SSX2IP: variants seen among roughly 807,000 people sequenced by gnomAD.
SSX2IP encodes SSX family member 2 interacting protein.
In SSX2IP, 55 loss-of-function variants were observed where a neutral mutation model predicts 84.9. That is an observed-to-expected ratio of 0.65 (90% CI 0.52 to 0.81). The LOEUF (loss-of-function observed/expected upper bound fraction) is 0.81. Ranked by LOEUF, SSX2IP falls within the 30% of genes least tolerant of loss-of-function variation. The pLI, the probability that SSX2IP is intolerant of heterozygous loss-of-function variation, is 0.00. For synonymous variants in SSX2IP, 239 were observed against 234.7 expected (o/e 1.02, Z -0.17); for missense variants, 664 against 705.2 (o/e 0.94, Z 0.66).
At chr1:84,655,027 C>G (rs917347536) in intron 11 of SSX2IP, among the ~76,000 whole-genome samples, 1 of 151,748 alleles carries the variant, frequency 6.6e-6, no homozygotes, top group African/African-American at 2.4e-5. Flanking sequence ...AAAAGGCAAG[C>G]AGACGAACAA....
Position 84,656,378 on chromosome 1 carries a change from T to C in SSX2IP, c.1185A>G (p.Glu395=). 1 of 1,612,822 alleles carries C rather than the reference T, an allele frequency of 6.2e-7. No homozygotes were observed. Residue 395 remains glutamate (E), a synonymous_variant, in exon 10 of 14, where the codon GAA becomes GAG. Coordinates refer to ENST00000342203, the MANE Select transcript of SSX2IP (RefSeq NM_001166293.2). ...AAAGCTGTTGCTGAGTTTTAATCAT[T>C]TCTTTACACTGCTGAATTTCTAACT... ...KLELEIQQCK[E]MIKTQQQLLQ...
chr1:84,674,694 C>A (rs920999438), intron 1 of SSX2IP, among the ~76,000 whole-genome samples: 10 of 152,120 alleles, frequency 6.6e-5, no homozygotes, highest in African/African-American at 2.4e-4. Context: ...GTGAATTGTT[C>A]CCTGCCCTAT....
At chr1:84,679,191 T>C (rs1305122076) in intron 1 of SSX2IP, among the ~76,000 whole-genome samples, 1 of 152,312 alleles carries the variant, frequency 6.6e-6, no homozygotes, top group African/African-American at 2.4e-5. Context: ...ACTAGATATA[T>C]TACAATTATT....
rs142176125 is a variant in SSX2IP, at chr1:84,645,780, G to A, written c.*1653C>T. The A allele has an allele frequency of 6.6e-6, 1 of 152,280 alleles. No individual in the cohort carries two copies. The highest frequency in any genetic ancestry group is 2.4e-5 in the African/African-American group (1 of 41,554). 9.4% of individuals were successfully genotyped at this position (152,280 alleles called of 1,614,324 possible). On this transcript the variant is annotated 3_prime_UTR_variant, in exon 14 of 14. Coordinates refer to ENST00000342203, the MANE Select transcript of SSX2IP (RefSeq NM_001166293.2). ...ATTTCTTCCTTTAGCATATGGTAGT[G>A]TCTTCGATATTTTGTACAATGTGTA...
At chr1:84,688,374 G>C (rs1263185208) in intron 1 of SSX2IP, among the ~76,000 whole-genome samples, 3 of 152,120 alleles carry the variant, frequency 2.0e-5, no homozygotes, top group African/African-American at 7.2e-5. Flanking sequence ...AAACCAGTAA[G>C]GCATATTCAC....
At chr1:84,681,941 C>T (rs139627986) in intron 1 of SSX2IP, among the ~76,000 whole-genome samples, 1 of 152,176 alleles carries the variant, frequency 6.6e-6, no homozygotes, top group African/African-American at 2.4e-5. Context: ...ACTGGCAGAC[C>T]TGGCAAAAGT....
chr1:84,658,168 A>T (rs1651403103), intron 9 of SSX2IP, 150 bp downstream of exon 9: 8 of 761,644 alleles, frequency 1.1e-5, no homozygotes, highest in Non-Finnish European at 1.6e-5. Context: ...AAAATGAAAA[A>T]ATAAATGTAT....
intron 4 of SSX2IP, among the ~76,000 whole-genome samples, chr1:84,668,088 T>C (rs1377738820): frequency 6.6e-6 from 1 of 152,160 alleles, no homozygotes; most frequent in Non-Finnish European, 1.5e-5. Context: ...CTGTCCATAG[T>C]TGACCCAAAA....
chr1:84,675,861 G>A (rs1307873661), intron 1 of SSX2IP, among the ~76,000 whole-genome samples: 4 of 152,132 alleles, frequency 2.6e-5, no homozygotes, highest in African/African-American at 7.2e-5. Flanking sequence ...CCTGGGTCCT[G>A]GAAGCCCCTG....
chr1:84,682,504 C>CTTTT (rs375144986), intron 1 of SSX2IP, among the ~76,000 whole-genome samples: 1 of 140,284 alleles, frequency 7.1e-6, no homozygotes. Flanking sequence ...TTTGTCTTCA[C>CTTTT]TTTTTTTTTT....
chr1:84,649,059 T>C (rs1649848928), intron 13 of SSX2IP, among the ~76,000 whole-genome samples: 2 of 152,202 alleles, frequency 1.3e-5, no homozygotes, highest in African/African-American at 4.8e-5. Context: ...ACTAGTGTTT[T>C]TTCTATTCCC....
chr1:84,662,068 G>C (rs6660887), intron 8 of SSX2IP, 130 bp downstream of exon 8: 2 of 609,850 alleles, frequency 3.3e-6, no homozygotes, highest in African/African-American at 3.8e-5. Flanking sequence ...CACAGTAATT[G>C]AAAGTAGCAT....
rs774238003 is a variant in SSX2IP, at chr1:84,656,022, C to T, written c.1216-17G>A. The T allele has an allele frequency of 1.2e-6, 2 of 1,603,506 alleles. No individual in the cohort carries two copies. The highest frequency in any genetic ancestry group is 1.3e-5 in the African/African-American group (1 of 74,488). On this transcript the variant is annotated splice_polypyrimidine_tract_variant and intron_variant, in intron 10 of 13. Transcript: ENST00000342203. Reference sequence around the variant, plus strand: ...GAGCTGCTGCTATTAAAATTTAAAACATAGTAAGTTCCTGAGGGACCTTGC... The same window carrying T: ...GAGCTGCTGCTATTAAAATTTAAAATATAGTAAGTTCCTGAGGGACCTTGC...
chr1:84,687,729 A>C (rs533812452), intron 1 of SSX2IP, among the ~76,000 whole-genome samples: 3 of 152,326 alleles, frequency 2.0e-5, no homozygotes, highest in Admixed American at 2.0e-4. Context: ...CTAAAGTAAA[A>C]ATAAAATATA....
intron 12 of SSX2IP, among the ~76,000 whole-genome samples, chr1:84,651,304 ATC>A (rs1650214436): frequency 6.6e-6 from 1 of 151,916 alleles, no homozygotes. Flanking sequence ...GCAAGACTAC[ATC>A]TTGAAAAAAG....
chr1:84,672,114 C>T (rs1653660784), intron 1 of SSX2IP, among the ~76,000 whole-genome samples: 1 of 152,106 alleles, frequency 6.6e-6, no homozygotes, highest in African/African-American at 2.4e-5. Context: ...TATGTTTTCA[C>T]TTTTTTATAG....
chr1:84,672,597 A>G (rs1653742412), intron 1 of SSX2IP, among the ~76,000 whole-genome samples: 1 of 152,186 alleles, frequency 6.6e-6, no homozygotes, highest in South Asian at 2.1e-4. Flanking sequence ...TGTAAGTTAT[A>G]CCTCAAACAA....
At chr1:84,689,005 G>A (rs1656197704) in intron 1 of SSX2IP, among the ~76,000 whole-genome samples, 1 of 152,156 alleles carries the variant, frequency 6.6e-6, no homozygotes, top group African/African-American at 2.4e-5. Context: ...ATTAACAGCA[G>A]GCAGAACAGA....
At chr1:84,674,979 C>T (rs908319711) in intron 1 of SSX2IP, among the ~76,000 whole-genome samples, 1 of 152,178 alleles carries the variant, frequency 6.6e-6, no homozygotes, top group Non-Finnish European at 1.5e-5. Flanking sequence ...TATTGTATTT[C>T]AGCTCAAATA....
Sources: gnomAD v4.1 joint callset for allele counts (sites outside exome capture counted in the v4.1 genomes callset) on GRCh38, gnomAD v4.1.1 for gene constraint, MANE v1.5 for transcripts, NCBI Gene and HGNC (gene_info 2026-07-23, HGNC 2026-07-21) for gene names.